GPC5: variants seen among roughly 807,000 people sequenced by gnomAD.
GPC5 encodes the protein glypican-5.
GPC5 carries 47 observed loss-of-function variants against 53.9 expected under a neutral mutation model. The observed-to-expected ratio is 0.87, with a 90% CI of 0.69 to 1.11. The LOEUF is 1.11. Among genes scored for constraint, GPC5 ranks in the 50% most tolerant of loss-of-function variants. The pLI is 0.00. For missense variants in GPC5, 748 were observed against 713.1 expected (o/e 1.05, Z -0.56); for synonymous variants, 286 against 263.3 (o/e 1.09, Z -0.84).
At chr13:92,328,253 T>G (rs531628258) in intron 7 of GPC5, among the ~76,000 whole-genome samples, 1 of 152,294 alleles carries the variant, frequency 6.6e-6, no homozygotes, top group African/African-American at 2.4e-5. Context: ...GTAGTGATTT[T>G]CTTGGGTAGG....
intron 7 of GPC5, among the ~76,000 whole-genome samples, chr13:92,389,526 T>A (rs946498276): frequency 3.9e-5 from 6 of 152,160 alleles, no homozygotes; most frequent in Non-Finnish European, 7.4e-5. Context: ...TATTTATTCT[T>A]TTTTAGATAT....
chr13:92,278,802 T>G (rs2042893548), intron 7 of GPC5, among the ~76,000 whole-genome samples: 1 of 152,030 alleles, frequency 6.6e-6, no homozygotes, highest in Non-Finnish European at 1.5e-5. Context: ...CCCCGTTGAC[T>G]TGTCTTGATA....
At chr13:92,281,113 C>A (rs1331382930) in intron 7 of GPC5, among the ~76,000 whole-genome samples, 1 of 152,196 alleles carries the variant, frequency 6.6e-6, no homozygotes, top group African/African-American at 2.4e-5. Flanking sequence ...CCGTGCCTGG[C>A]TCAGAGGGTC....
At chr13:92,222,642 G>T (rs564541687) in intron 7 of GPC5, among the ~76,000 whole-genome samples, 80 of 152,046 alleles carry the variant, frequency 5.3e-4, no homozygotes, top group Non-Finnish European at 9.9e-4. Flanking sequence ...TTTCTTTGGG[G>T]TGTGTGTGTG....
intron 5 of GPC5, among the ~76,000 whole-genome samples, chr13:91,831,043 TTA>T (rs1020088958): frequency 1.7e-4 from 23 of 139,156 alleles, no homozygotes; most frequent in African/African-American, 5.9e-4. Context: ...ATTATATATA[TTA>T]TATATATCCT....
At chr13:91,466,669 G>T (rs1013697932) in intron 2 of GPC5, among the ~76,000 whole-genome samples, 10 of 152,006 alleles carry the variant, frequency 6.6e-5, no homozygotes, top group Non-Finnish European at 1.5e-4. Context: ...AGAGGAGAAA[G>T]ATTCTAAGTA....
At chr13:91,422,540 G>T (rs1566380947) in intron 1 of GPC5, among the ~76,000 whole-genome samples, 1 of 152,146 alleles carries the variant, frequency 6.6e-6, no homozygotes, top group East Asian at 1.9e-4. Flanking sequence ...GGAGGCTGAG[G>T]CAGGAGAATT....
intron 7 of GPC5, among the ~76,000 whole-genome samples, chr13:92,502,266 G>T (rs1880213589): frequency 6.6e-6 from 1 of 151,780 alleles, no homozygotes; most frequent in Non-Finnish European, 1.5e-5. Flanking sequence ...GAGTAAAAAA[G>T]ATGTTGGAAT....
At chr13:92,619,590 A>T (rs1388518524) in intron 7 of GPC5, among the ~76,000 whole-genome samples, 1 of 152,018 alleles carries the variant, frequency 6.6e-6, no homozygotes, top group Non-Finnish European at 1.5e-5. Flanking sequence ...TTGATAGTAC[A>T]GATTAACCAT....
chr13:92,456,128 A>G (rs940918414), intron 7 of GPC5, among the ~76,000 whole-genome samples: 11 of 152,358 alleles, frequency 7.2e-5, no homozygotes, highest in African/African-American at 2.6e-4. Context: ...TCCTGACATT[A>G]AAGTGTTGAT....
chr13:91,410,655 C>T (rs975064204), intron 1 of GPC5, among the ~76,000 whole-genome samples: 7 of 152,018 alleles, frequency 4.6e-5, no homozygotes, highest in Non-Finnish European at 1.0e-4. Flanking sequence ...CTTCCTTCAT[C>T]TTAATGGAAT....
chr13:92,093,464 T>A (rs760661435), intron 6 of GPC5, among the ~76,000 whole-genome samples: 2 of 152,198 alleles, frequency 1.3e-5, no homozygotes, highest in Admixed American at 6.5e-5. Flanking sequence ...ACTCACATAG[T>A]TATATCAGAG....
intron 7 of GPC5, among the ~76,000 whole-genome samples, chr13:92,744,021 G>C (rs552471809): frequency 1.3e-5 from 2 of 152,028 alleles, no homozygotes; most frequent in Admixed American, 6.6e-5. Context: ...TGGTGGCAGC[G>C]GTGGAGTGGC....
chr13:91,565,535 C>T (rs1011404990), intron 2 of GPC5, among the ~76,000 whole-genome samples: 1 of 152,092 alleles, frequency 6.6e-6, no homozygotes, highest in Non-Finnish European at 1.5e-5. Context: ...CTGTTATTGG[C>T]AGGGAATCCT....
intron 2 of GPC5, among the ~76,000 whole-genome samples, chr13:91,480,198 T>G (rs1883224050): frequency 6.6e-6 from 1 of 152,236 alleles, no homozygotes; most frequent in African/African-American, 2.4e-5. Context: ...TTTTAGGCTG[T>G]AAAATGTATG....
At chr13:92,499,321 G>T (rs1418639940) in intron 7 of GPC5, among the ~76,000 whole-genome samples, 1 of 152,092 alleles carries the variant, frequency 6.6e-6, no homozygotes, top group African/African-American at 2.4e-5. Flanking sequence ...CATATTTTTT[G>T]AGCAAAACGG....
At chr13:92,193,164 G>C (rs1231930135) in intron 7 of GPC5, among the ~76,000 whole-genome samples, 1 of 120,682 alleles carries the variant, frequency 8.3e-6, no homozygotes, top group African/African-American at 3.4e-5. Flanking sequence ...GACAGAGCGA[G>C]ACTCTGTCTC....
chr13:92,845,118 A>G (rs963780161), intron 7 of GPC5, among the ~76,000 whole-genome samples: 1 of 152,054 alleles, frequency 6.6e-6, no homozygotes, highest in African/African-American at 2.4e-5. Context: ...GAAGCTGAAT[A>G]CATTGTGATC....
chr13:92,768,604 A>T (rs1875497691), intron 7 of GPC5, among the ~76,000 whole-genome samples: 1 of 152,108 alleles, frequency 6.6e-6, no homozygotes. Flanking sequence ...AACAAAATAG[A>T]ATGAAAAATC....
Sources: gnomAD v4.1 joint callset for allele counts (sites outside exome capture counted in the v4.1 genomes callset) on GRCh38, gnomAD v4.1.1 for gene constraint, MANE v1.5 for transcripts, NCBI Gene and HGNC (gene_info 2026-07-23, HGNC 2026-07-21) for gene names.